Variants in RYR2 observed in about 807,000 individuals in gnomAD.
RYR2 encodes the protein cardiac muscle ryanodine receptor-calcium release channel.
A neutral mutation model predicts 601.1 loss-of-function variants in RYR2; 227 were observed. The ratio of observed to expected loss-of-function variants is 0.38; its 90% CI spans 0.34 to 0.42. The LOEUF (loss-of-function observed/expected upper bound fraction) is 0.42, where lower values mean the gene tolerates loss of function less well. Among genes scored for constraint, RYR2 ranks in the 10% least tolerant of loss-of-function variants. The pLI, the probability that RYR2 is intolerant of heterozygous loss-of-function variation, is 1.00. For synonymous variants in RYR2, 2,223 were observed against 2,175.1 expected (o/e 1.02, Z -0.61); for missense variants, 4,646 against 6,156.5 (o/e 0.75, Z 8.21).
At chr1:237,403,072 G>A (rs774737457) in intron 10 of RYR2, among the ~76,000 whole-genome samples, 9 of 152,326 alleles carry the variant, frequency 5.9e-5, no homozygotes, top group Non-Finnish European at 1.0e-4. Flanking sequence ...AGGAAAGATG[G>A]ATGGAGGGAG....
chr1:237,048,708 C>T (rs1232882858), intron 1 of RYR2, among the ~76,000 whole-genome samples: 1 of 152,144 alleles, frequency 6.6e-6, no homozygotes, highest in Non-Finnish European at 1.5e-5. Context: ...GAAACTCAAG[C>T]AATGGTCAGA....
chr1:237,336,637 C>T (rs745802694), intron 3 of RYR2, among the ~76,000 whole-genome samples: 38 of 151,816 alleles, frequency 2.5e-4, no homozygotes, highest in Middle Eastern at 3.4e-3. Flanking sequence ...GGGTGGATCA[C>T]TTGAGGTCAG....
intron 1 of RYR2, among the ~76,000 whole-genome samples, chr1:237,221,982 G>A (rs1265759218): frequency 6.6e-6 from 1 of 152,122 alleles, no homozygotes; most frequent in African/African-American, 2.4e-5. Flanking sequence ...CTCTACAGCT[G>A]ATGATGTGGG....
intron 3 of RYR2, among the ~76,000 whole-genome samples, chr1:237,354,680 A>G (rs887824157): frequency 6.6e-5 from 10 of 152,038 alleles, no homozygotes; most frequent in Non-Finnish European, 1.3e-4. Flanking sequence ...CCGATAAGTT[A>G]ATGTTTAAAA....
intron 3 of RYR2, among the ~76,000 whole-genome samples, chr1:237,337,174 C>T (rs1275854664): frequency 6.6e-6 from 1 of 151,432 alleles, no homozygotes; most frequent in Admixed American, 6.6e-5. Context: ...ATCACTTGAA[C>T]CCGGGAGGCG....
chr1:237,829,063 C>T (rs1045510840), intron 102 of RYR2, among the ~76,000 whole-genome samples: 1 of 152,110 alleles, frequency 6.6e-6, no homozygotes, highest in Non-Finnish European at 1.5e-5. Flanking sequence ...TCTTAGCAGC[C>T]TCAGTGCTAC....
At chr1:237,211,646 C>T (rs1195532074) in intron 1 of RYR2, among the ~76,000 whole-genome samples, 1 of 152,190 alleles carries the variant, frequency 6.6e-6, no homozygotes, top group Non-Finnish European at 1.5e-5. Flanking sequence ...TGGATTTATG[C>T]TTTGCTTTAT....
At chr1:237,138,349 T>C (rs915702046) in intron 1 of RYR2, among the ~76,000 whole-genome samples, 6 of 152,180 alleles carry the variant, frequency 3.9e-5, no homozygotes, top group African/African-American at 1.2e-4. Context: ...TATTTTAAAA[T>C]GCACCCTGAA....
chr1:237,674,043 C>T (rs1298795231), intron 58 of RYR2, 53 bp from the exon 59 acceptor site: 1 of 1,492,250 alleles, frequency 6.7e-7, no homozygotes, highest in African/African-American at 1.4e-5. Context: ...TGTGTCTCAT[C>T]TCAGATTCTT....
At chr1:237,787,317 T>C (rs1263906234) in intron 91 of RYR2, among the ~76,000 whole-genome samples, 1 of 152,066 alleles carries the variant, frequency 6.6e-6, no homozygotes, top group East Asian at 1.9e-4. Flanking sequence ...AGGCTGGGCG[T>C]GGTGGCTCAC....
intron 1 of RYR2, among the ~76,000 whole-genome samples, chr1:237,145,508 T>A (rs1225126584): frequency 6.6e-6 from 1 of 152,214 alleles, no homozygotes. Flanking sequence ...TGATGGGTAC[T>A]CCTAGAGATG....
chr1:237,245,988 A>G (rs534632881), intron 1 of RYR2, among the ~76,000 whole-genome samples: 16 of 152,154 alleles, frequency 1.1e-4, no homozygotes, highest in East Asian at 5.8e-4. Flanking sequence ...CCCCATGTTG[A>G]CCTGGCTGGT....
At chr1:237,128,712 C>G (rs778559163) in intron 1 of RYR2, among the ~76,000 whole-genome samples, 1 of 151,986 alleles carries the variant, frequency 6.6e-6, no homozygotes, top group East Asian at 1.9e-4. Flanking sequence ...ATTGGGAGGT[C>G]GGGATGGGAA....
chr1:237,593,393 C>A, intron 32 of RYR2, 83 bp from the exon 33 acceptor site: 1 of 1,382,296 alleles, frequency 7.2e-7, no homozygotes, highest in South Asian at 1.5e-5. Context: ...CATTCACAGA[C>A]TTAGACACAG....
intron 64 of RYR2, 57 bp from the exon 65 acceptor site, chr1:237,700,172 T>G: frequency 3.8e-6 from 4 of 1,043,606 alleles, no homozygotes; most frequent in Non-Finnish European, 5.7e-6. Flanking sequence ...CCACAATTCA[T>G]TTATATTTCA....
chr1:237,421,501 G>A (rs1705569131), intron 11 of RYR2, among the ~76,000 whole-genome samples: 1 of 152,124 alleles, frequency 6.6e-6, no homozygotes, highest in African/African-American at 2.4e-5. Context: ...AAATTCATGT[G>A]AAAATGAACT....
chr1:237,375,209 T>C (rs1333615368), intron 7 of RYR2, among the ~76,000 whole-genome samples: 3 of 152,242 alleles, frequency 2.0e-5, no homozygotes, highest in Non-Finnish European at 4.4e-5. Context: ...GTCTCCTTAA[T>C]TTCTCTGCCC....
chr1:237,103,441 G>C (rs893803006), intron 1 of RYR2, among the ~76,000 whole-genome samples: 1 of 152,160 alleles, frequency 6.6e-6, no homozygotes, highest in Non-Finnish European at 1.5e-5. Context: ...GAAGAACAGG[G>C]GACAGGTTAG....
At chr1:237,765,504 A>T (rs1008970684) in intron 84 of RYR2, among the ~76,000 whole-genome samples, 2 of 152,206 alleles carry the variant, frequency 1.3e-5, no homozygotes, top group Non-Finnish European at 2.9e-5. Context: ...TCTTACTGAT[A>T]TATTTATAAT....
Sources: gnomAD v4.1 joint callset for allele counts (sites outside exome capture counted in the v4.1 genomes callset) on GRCh38, gnomAD v4.1.1 for gene constraint, MANE v1.5 for transcripts, NCBI Gene and HGNC (gene_info 2026-07-23, HGNC 2026-07-21) for gene names.